The following DOCK1 variants were observed in gnomAD, a reference collection of about 807,000 sequenced individuals.
The protein encoded by DOCK1 is dedicator of cytokinesis protein 1.
A neutral mutation model predicts 262.7 loss-of-function variants in DOCK1; 138 were observed. That is an observed-to-expected ratio of 0.53 (90% CI 0.46 to 0.61). The LOEUF (loss-of-function observed/expected upper bound fraction) is 0.61. Ranked by LOEUF, DOCK1 falls within the 20% of genes least tolerant of loss-of-function variation. DOCK1 has a pLI of 0.00. For synonymous variants in DOCK1, 866 were observed against 867.4 expected (o/e 1.00, Z 0.03); for missense variants, 1,908 against 2,370.7 (o/e 0.80, Z 4.05).
Position 127,421,519 on chromosome 10 carries a change from G to A in DOCK1, c.4776+1770G>A, listed in dbSNP as rs1008592330. Among the ~76,000 whole-genome samples the A allele has an allele frequency of 2.6e-5, 4 of 151,948 alleles. No individual in the cohort carries two copies. In the South Asian group the frequency reaches 6.2e-4, roughly 24 times the overall value. On this transcript the variant is annotated intron_variant, in intron 46 of 51. Transcript: ENST00000623213. ...ACATTTTTAAGTGTCCAGTTCAGAGGCAATAAGTACATTCACACTGTTGTA... is the reference window on the plus strand; with the variant it reads ...ACATTTTTAAGTGTCCAGTTCAGAGACAATAAGTACATTCACACTGTTGTA...
rs540043119 is a variant in DOCK1 at position 127,289,311 on chromosome 10, T to C, written c.3044+31882T>C. 1.2e-3 allele frequency among the ~76,000 whole-genome samples: 189 copies of C among 152,310 alleles called. 2 individuals are homozygous for C. Among genetic ancestry groups the C allele is most frequent in the Middle Eastern group, 6.8e-3 (2 of 294 alleles). The stretch of plus-strand genomic sequence containing the variant: ...GATATTTCTCATCACTTTTTACCAC[T>C]GTGCAGATTCCATTGCATGCATATT... On this transcript the variant is annotated intron_variant, in intron 29 of 51. Coordinates refer to ENST00000623213, the MANE Select transcript of DOCK1 (RefSeq NM_001290223.2).
In DOCK1 at chr10:126,977,882, T is replaced by A. The variant is rs375254245; in HGVS notation, c.131-66T>A. The stretch of plus-strand genomic sequence containing the variant: ...GCCAAACAGTGAGTTCTACACATCA[T>A]GAATGTATTGTGAGGACCCTAACAT... On this transcript the variant is annotated intron_variant, in intron 2 of 51. Transcript: ENST00000623213. 19 of 1,494,060 alleles carry A rather than the reference T, an allele frequency of 1.3e-5. 1 individual carries two copies. Among genetic ancestry groups the A allele is most frequent in the South Asian group, 1.0e-4 (9 of 88,272 alleles). The allele number at this position is 1,494,060 out of a possible 1,614,324, so 92.6% of individuals were successfully genotyped here. A position where few individuals can be genotyped will look rare whatever the true frequency, so the allele number is the denominator to read the frequency against.
At chr10:127,372,237 A>C (rs973353407) in intron 33 of DOCK1, among the ~76,000 whole-genome samples, 1 of 152,152 alleles carries the variant, frequency 6.6e-6, no homozygotes, top group South Asian at 2.1e-4. Flanking sequence ...GAGGACAGGC[A>C]GGGCGTCTGT....
intron 23 of DOCK1, among the ~76,000 whole-genome samples, chr10:127,081,634 G>A (rs968836377): frequency 6.6e-6 from 1 of 152,118 alleles, no homozygotes; most frequent in African/African-American, 2.4e-5. Flanking sequence ...CAGTAATGGT[G>A]GCTTCAATTG....
At chr10:127,121,733 T>C (rs1239508468) in intron 25 of DOCK1, among the ~76,000 whole-genome samples, 1 of 152,210 alleles carries the variant, frequency 6.6e-6, no homozygotes, top group Non-Finnish European at 1.5e-5. Context: ...ATAGTGCAGC[T>C]GTAAGGCTTT....
rs1211849703 is a variant in DOCK1 at position 127,170,297 on chromosome 10, C to G, written c.2847+42533C>G. ...CGAAGCCTCAGGGTCTTATCACTAC[C>G]TGCTGGTCATGTTTAAGGGCCTGGG... On this transcript the variant is annotated intron_variant, in intron 27 of 51. Transcript: ENST00000623213. Among the ~76,000 whole-genome samples the G allele has an allele frequency of 7.9e-5, 12 of 152,168 alleles. 1 individual carries two copies. The highest frequency in any genetic ancestry group is 4.6e-4 in the Admixed American group (7 of 15,286).
At chr10:127,006,435 T>A (rs577343820) in intron 10 of DOCK1, among the ~76,000 whole-genome samples, 141 of 152,304 alleles carry the variant, frequency 9.3e-4, no homozygotes, top group African/African-American at 3.3e-3. Context: ...CTTTTCACCA[T>A]CCTCTTCCCT....
chr10:127,122,336 C>T (rs2049645401), intron 25 of DOCK1, among the ~76,000 whole-genome samples: 3 of 152,166 alleles, frequency 2.0e-5, no homozygotes, highest in Admixed American at 2.0e-4. Context: ...GGCAGACTGA[C>T]CTTTGGCCTT....
chr10:127,201,159 C>T (rs930296974), intron 27 of DOCK1, among the ~76,000 whole-genome samples: 2 of 152,248 alleles, frequency 1.3e-5, no homozygotes, highest in Non-Finnish European at 2.9e-5. Context: ...CAAGGTGCCC[C>T]AGTGGGGCCT....
At chr10:127,017,037 A>AC (rs2041986778) in intron 12 of DOCK1, among the ~76,000 whole-genome samples, 2 of 52,158 alleles carry the variant, frequency 3.8e-5, no homozygotes, top group South Asian at 7.3e-4. Flanking sequence ...TACAGATACC[A>AC]CACACACACA....
At chr10:127,114,591 G>C (rs780296276) in intron 25 of DOCK1, among the ~76,000 whole-genome samples, 16 of 151,680 alleles carry the variant, frequency 1.1e-4, no homozygotes, top group Non-Finnish European at 1.8e-4. Flanking sequence ...AAATAGGAGG[G>C]GGGTGCAGTT....
At chr10:127,027,865 G>A (rs980977408) in intron 16 of DOCK1, among the ~76,000 whole-genome samples, 9 of 152,122 alleles carry the variant, frequency 5.9e-5, no homozygotes, top group Admixed American at 3.3e-4. Flanking sequence ...ATGTTATGGT[G>A]TGCAGATCAT....
chr10:127,107,029 C>T (rs561401521), intron 24 of DOCK1, among the ~76,000 whole-genome samples: 2 of 152,240 alleles, frequency 1.3e-5, no homozygotes, highest in East Asian at 1.9e-4. Context: ...GCGATCATAG[C>T]TCACTGCAGC....
chr10:127,139,521 C>T (rs1026824963), intron 27 of DOCK1, among the ~76,000 whole-genome samples: 1 of 152,144 alleles, frequency 6.6e-6, no homozygotes, highest in African/African-American at 2.4e-5. Context: ...AGAATAAAAT[C>T]TCATGAATTT....
intron 47 of DOCK1, among the ~76,000 whole-genome samples, chr10:127,430,137 CA>C (rs2069182458): frequency 6.6e-6 from 1 of 152,154 alleles, no homozygotes; most frequent in South Asian, 2.1e-4. Context: ...CTTCCTCCCT[CA>C]AGTTAGTTCT....
rs1221196497 is a variant in DOCK1 at position 127,404,441 on chromosome 10, T to C, written c.4122+12T>C. On this transcript the variant is annotated intron_variant, in intron 40 of 51. Transcript: ENST00000623213. ...CCACATTCCTGCGGGTAAAGTTTGGTTCTGCCTAATCTGAGCCATGATTGT... is the reference window on the plus strand; with the variant it reads ...CCACATTCCTGCGGGTAAAGTTTGGCTCTGCCTAATCTGAGCCATGATTGT... 6.2e-7 allele frequency: 1 copy of C among 1,609,606 alleles called. No homozygotes were observed. Among genetic ancestry groups the C allele is most frequent in the Non-Finnish European group, 8.5e-7 (1 of 1,177,336 alleles).
intron 1 of DOCK1, among the ~76,000 whole-genome samples, chr10:126,970,005 A>T (rs2037979466): frequency 6.6e-6 from 1 of 152,034 alleles, no homozygotes; most frequent in African/African-American, 2.4e-5. Flanking sequence ...TATTTTTTTA[A>T]ATTGAGAGTG....
intron 27 of DOCK1, among the ~76,000 whole-genome samples, chr10:127,163,094 G>T (rs780741138): frequency 1.3e-5 from 2 of 152,184 alleles, no homozygotes; most frequent in Non-Finnish European, 2.9e-5. Context: ...CTTGTTTGTG[G>T]CTCTCTTGCA....
chr10:127,395,957 T>C (rs1276068886), intron 38 of DOCK1, among the ~76,000 whole-genome samples: 1 of 152,150 alleles, frequency 6.6e-6, no homozygotes, highest in Non-Finnish European at 1.5e-5. Context: ...CTTTCAGCAT[T>C]GAGCAAGGCA....
Sources: gnomAD v4.1 joint callset for allele counts (sites outside exome capture counted in the v4.1 genomes callset) on GRCh38, gnomAD v4.1.1 for gene constraint, MANE v1.5 for transcripts, NCBI Gene and HGNC (gene_info 2026-07-23, HGNC 2026-07-21) for gene names.